Variants in TMEM229B observed in about 807,000 individuals in gnomAD.
TMEM229B encodes the protein transmembrane protein 229B, also known as chromosome 14 open reading frame 83.
TMEM229B carries 6 observed loss-of-function variants against 13.7 expected under a neutral mutation model. The ratio of observed to expected loss-of-function variants is 0.44; its 90% CI spans 0.24 to 0.86. TMEM229B has a LOEUF of 0.86. Ranked by LOEUF, TMEM229B falls within the 40% of genes least tolerant of loss-of-function variation. The probability of loss-of-function intolerance (pLI) is 0.23; values close to 1 mark genes in which losing one functional copy is unlikely to be tolerated. For synonymous variants in TMEM229B, 107 were observed against 102.1 expected, an observed-to-expected ratio of 1.05 and a Z score of -0.29; for missense variants, 170 against 236.0, an observed-to-expected ratio of 0.72 and a Z score of 1.83.
At chr14:67,478,548 G>A (rs965332983) in intron 2 of TMEM229B, among the ~76,000 whole-genome samples, 9 of 151,904 alleles carry the variant, frequency 5.9e-5, no homozygotes, top group African/African-American at 1.2e-4. Context: ...ATGCAAATCC[G>A]ATGTTTCTCA....
At chr14:67,488,264 T>A (rs2031991017) in intron 1 of TMEM229B, among the ~76,000 whole-genome samples, 1 of 152,260 alleles carries the variant, frequency 6.6e-6, no homozygotes, top group Admixed American at 6.5e-5. Context: ...TAGAGGCCGC[T>A]TGGGCCCTTG....
chr14:67,489,122 A>T (rs546332815), upstream of TMEM229B, among the ~76,000 whole-genome samples: 5 of 152,294 alleles, frequency 3.3e-5, no homozygotes, highest in South Asian at 1.0e-3. Context: ...CAACTAACAT[A>T]TGGATGGAAC....
chr14:67,503,949 G>A (rs1355685953), intron 1 of TMEM229B, among the ~76,000 whole-genome samples: 1 of 151,860 alleles, frequency 6.6e-6, no homozygotes, highest in African/African-American at 2.4e-5. Flanking sequence ...TGATCTGCCT[G>A]CCTCAGCTTC....
At chr14:67,510,556 A>C (rs2032992115) in intron 1 of TMEM229B, among the ~76,000 whole-genome samples, 1 of 152,226 alleles carries the variant, frequency 6.6e-6, no homozygotes, top group Non-Finnish European at 1.5e-5. Context: ...CTTATGCCAA[A>C]CTAAAAGAAA....
rs149865627 is a variant in TMEM229B at position 67,476,410 on chromosome 14, A to G, written c.-18-2469T>C. Among the ~76,000 whole-genome samples, 990 of 152,144 alleles carry G rather than the reference A, an allele frequency of 6.5e-3. 5 individuals are homozygous for G. The highest frequency in any genetic ancestry group is 0.022 in the African/African-American group (911 of 41,500). ...GAGAACAACCTGGCCGACATGGTGA[A>G]ACCCTGTCTCTACTAAAAATACAAA... On this transcript the variant is annotated intron_variant, in intron 2 of 2. Coordinates refer to ENST00000554480, the MANE Select transcript of TMEM229B (RefSeq NM_001348543.2).
rs1167591251 is a variant in TMEM229B, at chr14:67,504,052, C to T, written c.-192+11034G>A. 1.3e-4 allele frequency among the ~76,000 whole-genome samples: 20 copies of T among 150,972 alleles called. No individual in the cohort carries two copies. The Admixed American group carries it at 1.3e-3, about 10-fold the overall frequency. On this transcript the variant is annotated intron_variant, in intron 1 of 2. Transcript: ENST00000357461. The stretch of plus-strand genomic sequence containing the variant: ...TTTTTGAGACAGGATCTCGCTCTGT[C>T]ACCCAGGCTGGAGTGCAGTCGTGCG...
chr14:67,511,975 T>C (rs1244268534), intron 1 of TMEM229B, among the ~76,000 whole-genome samples: 6 of 152,230 alleles, frequency 3.9e-5, no homozygotes, highest in African/African-American at 1.4e-4. Context: ...CACAGCAGCA[T>C]GGGGCATCCC....
At chr14:67,495,331 G>A (rs974078750) in intron 1 of TMEM229B, among the ~76,000 whole-genome samples, 14 of 152,142 alleles carry the variant, frequency 9.2e-5, no homozygotes, top group Admixed American at 3.3e-4. Context: ...CAACAACCTT[G>A]CAGAAGGCAT....
chr14:67,524,211 G>A (rs975210968), intron 1 of TMEM229B, among the ~76,000 whole-genome samples: 3 of 152,128 alleles, frequency 2.0e-5, no homozygotes, highest in African/African-American at 7.2e-5. Context: ...CCTCAGCCTA[G>A]TGAGTAGCTG....
chr14:67,493,015 A>C (rs968631967), upstream of TMEM229B, among the ~76,000 whole-genome samples: 7 of 152,208 alleles, frequency 4.6e-5, no homozygotes, highest in Non-Finnish European at 8.8e-5. Context: ...TTAAATGTTA[A>C]GGAGGTAGCA....
At chr14:67,524,784 G>A (rs1275391897) in intron 1 of TMEM229B, among the ~76,000 whole-genome samples, 1 of 152,194 alleles carries the variant, frequency 6.6e-6, no homozygotes, top group African/African-American at 2.4e-5. Flanking sequence ...TTGCTTTGAA[G>A]AGATAATAGG....
chr14:67,521,364 G>A (rs2033288666), intron 1 of TMEM229B, among the ~76,000 whole-genome samples: 1 of 152,182 alleles, frequency 6.6e-6, no homozygotes, highest in Non-Finnish European at 1.5e-5. Flanking sequence ...TGTCACAGAG[G>A]GATGGAAAGG....
intron 1 of TMEM229B, among the ~76,000 whole-genome samples, chr14:67,527,004 G>C (rs1045275945): frequency 6.6e-6 from 1 of 152,228 alleles, no homozygotes; most frequent in South Asian, 2.1e-4. Flanking sequence ...TAGGGGCAGG[G>C]CAGAGGGAGC....
At chr14:67,525,310 T>C (rs983108830) in intron 1 of TMEM229B, among the ~76,000 whole-genome samples, 1 of 152,208 alleles carries the variant, frequency 6.6e-6, no homozygotes, top group Non-Finnish European at 1.5e-5. Flanking sequence ...TTGCTTCACT[T>C]GACATTAAGT....
chr14:67,485,972 C>T (rs1250560611), intron 2 of TMEM229B, among the ~76,000 whole-genome samples: 2 of 152,232 alleles, frequency 1.3e-5, no homozygotes, highest in Non-Finnish European at 2.9e-5. Flanking sequence ...GCCTCCTAGA[C>T]CAGCAGCACA....
intron 1 of TMEM229B, among the ~76,000 whole-genome samples, chr14:67,499,177 A>AT (rs1221654369): frequency 6.6e-6 from 1 of 150,928 alleles, no homozygotes; most frequent in Non-Finnish European, 1.5e-5. Flanking sequence ...TAATTTCTTA[A>AT]TTTTTTTGTA....
At chr14:67,506,054 G>A (rs1276994008) in intron 1 of TMEM229B, among the ~76,000 whole-genome samples, 1 of 152,184 alleles carries the variant, frequency 6.6e-6, no homozygotes, top group African/African-American at 2.4e-5. Flanking sequence ...AATTGGGAGG[G>A]TAAGGAGAGT....
At chr14:67,492,165 C>T (rs570878596), upstream of TMEM229B, among the ~76,000 whole-genome samples, 2 of 152,318 alleles carry the variant, frequency 1.3e-5, no homozygotes, top group South Asian at 4.1e-4. Context: ...CCACCCAACT[C>T]CATCGCCTTG....
chr14:67,487,466 A>G (rs1363475817), intron 1 of TMEM229B, among the ~76,000 whole-genome samples: 1 of 152,202 alleles, frequency 6.6e-6, no homozygotes, highest in Non-Finnish European at 1.5e-5. Flanking sequence ...ATATAATTTT[A>G]GAATCCAGCT....
Sources: gnomAD v4.1 joint callset for allele counts (sites outside exome capture counted in the v4.1 genomes callset) on GRCh38, gnomAD v4.1.1 for gene constraint, MANE v1.5 for transcripts, NCBI Gene and HGNC (gene_info 2026-07-23, HGNC 2026-07-21) for gene names.